Variants in SAMD5 observed in about 807,000 individuals in gnomAD.
SAMD5 encodes sterile alpha motif domain containing 5.
A neutral mutation model predicts 11.3 loss-of-function variants in SAMD5; 13 were observed. The observed-to-expected ratio is 1.15, with a 90% CI of 0.75 to 1.83. SAMD5 has a LOEUF of 1.83. Among genes scored for constraint, SAMD5 ranks in the 40% most tolerant of loss-of-function variants. The probability of loss-of-function intolerance (pLI) is 0.00; values close to 1 mark genes in which losing one functional copy is unlikely to be tolerated. For missense variants in SAMD5, 255 were observed against 239.1 expected, an observed-to-expected ratio of 1.07 and a Z score of -0.44; for synonymous variants, 129 against 111.3, an observed-to-expected ratio of 1.16 and a Z score of -1.00.
chr6:147,674,539 G>T (rs1790837806), intron 1 of SAMD5, among the ~76,000 whole-genome samples: 1 of 152,136 alleles, frequency 6.6e-6, no homozygotes. Flanking sequence ...GGGTTTTGGG[G>T]TAGCACAGAG....
At chr6:147,574,922 T>A (rs1789196755), downstream of SAMD5, among the ~76,000 whole-genome samples, 1 of 152,198 alleles carries the variant, frequency 6.6e-6, no homozygotes, top group Non-Finnish European at 1.5e-5. Context: ...ATATACTGCA[T>A]TTCATCAAAT....
chr6:147,822,226 A>C, the SAMD5 span, among the ~76,000 whole-genome samples: 2 of 152,208 alleles, frequency 1.3e-5, no homozygotes, highest in Admixed American at 1.3e-4. Context: ...AATTCTTACA[A>C]TGTTTAACAA....
At chr6:147,631,414 G>A (rs770545483) in intron 1 of SAMD5, among the ~76,000 whole-genome samples, 1 of 152,118 alleles carries the variant, frequency 6.6e-6, no homozygotes, top group East Asian at 1.9e-4. Context: ...TTTTTAAGTT[G>A]GAGGCTGAGC....
chr6:147,893,168 C>CTCCA, the SAMD5 span, among the ~76,000 whole-genome samples: 1 of 150,864 alleles, frequency 6.6e-6, no homozygotes, highest in Non-Finnish European at 1.5e-5. Flanking sequence ...CGCTATTGCA[C>CTCCA]TCCAGCCTGG....
At chr6:147,688,860 C>T (rs1791058373) in intron 1 of SAMD5, among the ~76,000 whole-genome samples, 1 of 152,148 alleles carries the variant, frequency 6.6e-6, no homozygotes, top group South Asian at 2.1e-4. Flanking sequence ...CCATCATCAC[C>T]AAAGGTCAAA....
intron 1 of SAMD5, among the ~76,000 whole-genome samples, chr6:147,707,942 A>C (rs1052225906): frequency 6.6e-6 from 1 of 152,088 alleles, no homozygotes; most frequent in African/African-American, 2.4e-5. Context: ...AGCTCTTTGC[A>C]ATCAAAAAGA....
chr6:147,625,658 G>A (rs1471002283), intron 1 of SAMD5, among the ~76,000 whole-genome samples: 1 of 152,118 alleles, frequency 6.6e-6, no homozygotes, highest in Non-Finnish European at 1.5e-5. Flanking sequence ...CCCACTCATA[G>A]CCTATGTTTA....
the SAMD5 span, among the ~76,000 whole-genome samples, chr6:147,772,060 G>A: frequency 6.6e-6 from 1 of 152,138 alleles, no homozygotes. Flanking sequence ...CTTATTTCAT[G>A]ATGAGCCTCA....
At chr6:147,587,099 T>C (rs137935418) in intron 1 of SAMD5, among the ~76,000 whole-genome samples, 189 of 152,320 alleles carry the variant, frequency 1.2e-3, no homozygotes, top group African/African-American at 4.4e-3. Context: ...TGTTTACTTG[T>C]TTAATTCATA....
intron 1 of SAMD5, among the ~76,000 whole-genome samples, chr6:147,655,742 T>G (rs1275075544): frequency 6.6e-6 from 1 of 152,210 alleles, no homozygotes; most frequent in Non-Finnish European, 1.5e-5. Context: ...ATTGTAGTTT[T>G]CTAGTTACAA....
chr6:147,815,188 C>T, the SAMD5 span, among the ~76,000 whole-genome samples: 3 of 152,320 alleles, frequency 2.0e-5, no homozygotes, highest in Non-Finnish European at 2.9e-5. Context: ...CTCAGTGACT[C>T]TGATCACACA....
chr6:147,771,046 T>A, the SAMD5 span, among the ~76,000 whole-genome samples: 2 of 152,196 alleles, frequency 1.3e-5, no homozygotes, highest in African/African-American at 4.8e-5. Flanking sequence ...AGCTCTTTTT[T>A]GGGAGGACAT....
Position 147,595,570 on chromosome 6 carries a change from A to C in SAMD5, c.162+86183A>C, listed in dbSNP as rs1191237209. On this transcript the variant is annotated intron_variant, in intron 1 of 1. Coordinates refer to the SAMD5 transcript ENST00000566741. The stretch of plus-strand genomic sequence containing the variant: ...GAGACAGAGTCTTGCTCTGTCACCC[A>C]GGCTGGAGTGCAGTGGTGCCATCTT... Among the ~76,000 whole-genome samples, 10 of 126,010 alleles carry C rather than the reference A, an allele frequency of 7.9e-5. No individual in the cohort carries two copies. The Admixed American group carries it at 1.0e-3, about 13-fold the overall frequency. 82.7% of individuals were successfully genotyped at this position (126,010 alleles called of 152,430 possible).
intron 1 of SAMD5, among the ~76,000 whole-genome samples, chr6:147,678,681 A>G (rs1790898895): frequency 6.6e-6 from 1 of 152,202 alleles, no homozygotes; most frequent in Non-Finnish European, 1.5e-5. Flanking sequence ...CAGCATAGAG[A>G]AATAAGCCAT....
chr6:147,932,665 G>T, the SAMD5 span, among the ~76,000 whole-genome samples: 7 of 149,840 alleles, frequency 4.7e-5, no homozygotes. Flanking sequence ...AAAATAAGGT[G>T]TTGCTCAATC....
rs986244894 is a variant in SAMD5, at chr6:147,737,353, G to C, written c.199G>C (p.Val67Leu). Residue 67 changes from valine to leucine, a missense_variant, in exon 2 of 2, where the codon GTG becomes CTG. Physicochemically the swap from Val to Leu is conservative, Grantham distance 32. Coordinates refer to the SAMD5 transcript ENST00000566741. ...CCGCTACCTTCAAGAAGTAATTTGC[G>C]TGCTGTTTATTGGAGCTGTGAATTT... The C allele has an allele frequency of 4.0e-6, 5 of 1,262,852 alleles. No individual in the cohort carries two copies. The East Asian group carries it at 1.7e-4, about 43-fold the overall frequency. 78.2% of individuals were successfully genotyped at this position (1,262,852 alleles called of 1,614,324 possible).
At chr6:147,652,113 G>A (rs1014686039) in intron 1 of SAMD5, among the ~76,000 whole-genome samples, 1 of 152,168 alleles carries the variant, frequency 6.6e-6, no homozygotes, top group African/African-American at 2.4e-5. Context: ...AGGAGACAAA[G>A]GTGCATTTCT....
chr6:147,890,358 T>C, the SAMD5 span, among the ~76,000 whole-genome samples: 1 of 146,442 alleles, frequency 6.8e-6, no homozygotes, highest in Non-Finnish European at 1.5e-5. Context: ...TTTTTTCAAT[T>C]ATCTTTTTTT....
At chr6:147,627,904 T>A (rs906107216) in intron 1 of SAMD5, among the ~76,000 whole-genome samples, 2 of 152,232 alleles carry the variant, frequency 1.3e-5, no homozygotes, top group Admixed American at 6.5e-5. Context: ...AACAGATGTT[T>A]CCTGCCAGTC....
Sources: gnomAD v4.1 joint callset for allele counts (sites outside exome capture counted in the v4.1 genomes callset) on GRCh38, gnomAD v4.1.1 for gene constraint, MANE v1.5 for transcripts, NCBI Gene and HGNC (gene_info 2026-07-23, HGNC 2026-07-21) for gene names.